ANAPC4: variants seen among roughly 807,000 people sequenced by gnomAD.
The protein encoded by ANAPC4 is anaphase promoting complex subunit 4.
Under a neutral mutation model 119.8 loss-of-function variants are expected in ANAPC4, and 63 were observed. The ratio of observed to expected loss-of-function variants is 0.53; its 90% CI spans 0.43 to 0.65. ANAPC4 has a LOEUF of 0.65. ANAPC4 is among the 30% of genes least tolerant of loss of function. The pLI, the probability that ANAPC4 is intolerant of heterozygous loss-of-function variation, is 0.00. For synonymous variants in ANAPC4, 283 were observed against 318.6 expected (o/e 0.89, Z 1.19); for missense variants, 716 against 945.1 (o/e 0.76, Z 3.18).
intron 16 of ANAPC4, among the ~76,000 whole-genome samples, chr4:25,398,870 T>C (rs55769971): frequency 3.2e-4 from 49 of 151,940 alleles, no homozygotes; most frequent in Non-Finnish European, 6.0e-4. Flanking sequence ...GCCTTGGTAC[T>C]TGAAAGAGTA....
chr4:25,403,664 G>A lies in ANAPC4; in HGVS notation c.1270+638G>A, dbSNP rs539391210. Among the ~76,000 whole-genome samples, 502 of 152,306 alleles carry A rather than the reference G, an allele frequency of 3.3e-3. 2 individuals carry two copies. The highest frequency in any genetic ancestry group is 0.011 in the African/African-American group (465 of 41,582). On this transcript the variant is annotated intron_variant, in intron 17 of 28. Transcript: ENST00000315368. Reference sequence around the variant, plus strand: ...CCACTAGCAACATGTGGCTATTTAAGTGGATTGAAATCCTATAAAACTGTA... The same window carrying A: ...CCACTAGCAACATGTGGCTATTTAAATGGATTGAAATCCTATAAAACTGTA...
intron 2 of ANAPC4, among the ~76,000 whole-genome samples, chr4:25,377,965 CAGT>C: frequency 6.6e-6 from 1 of 152,294 alleles, no homozygotes; most frequent in East Asian, 1.9e-4. Flanking sequence ...GTTTTAATAG[CAGT>C]AGGAAGAGTT....
intron 21 of ANAPC4, among the ~76,000 whole-genome samples, chr4:25,411,770 C>T (rs1049989286): frequency 4.6e-5 from 7 of 152,172 alleles, no homozygotes; most frequent in African/African-American, 1.7e-4. Context: ...GCACTTAGCA[C>T]AGAAGCAGTC....
rs1721470971 is a variant in ANAPC4 at position 25,377,490 on chromosome 4, G to A, written c.63G>A (p.Gln21=). The stretch of plus-strand genomic sequence containing the variant: ...TGGTGGGAGAGAAGCAGCTCCCGCA[G>A]GAGATTATTTTCCTGGTCTGGTCGC... ...FRVVGEKQLP[Q]EIIFLVWSPK... Residue 21 remains glutamine (Q), a synonymous_variant, in exon 2 of 29, where the codon CAG becomes CAA. Transcript: ENST00000315368. The A allele has an allele frequency of 6.2e-7, 1 of 1,613,984 alleles. No individual in the cohort carries two copies. Among genetic ancestry groups the A allele is most frequent in the Non-Finnish European group, 8.5e-7 (1 of 1,180,018 alleles).
intron 16 of ANAPC4, among the ~76,000 whole-genome samples, chr4:25,397,829 G>A (rs1044056623): frequency 2.0e-5 from 3 of 151,620 alleles, no homozygotes; most frequent in African/African-American, 4.8e-5. Context: ...GTGTTTTTGG[G>A]TGTGGGCCTT....
At chr4:25,398,884 T>C (rs1235725295) in intron 16 of ANAPC4, among the ~76,000 whole-genome samples, 2 of 151,658 alleles carry the variant, frequency 1.3e-5, no homozygotes, top group Non-Finnish European at 2.9e-5. Context: ...AAGAGTAGAA[T>C]TGATATTTAC....
In ANAPC4 at chr4:25,393,790, C is replaced by T; in HGVS notation, c.790-15C>T. The T allele has an allele frequency of 6.5e-7, 1 of 1,533,696 alleles. No individual in the cohort carries two copies. Among genetic ancestry groups the T allele is most frequent in the Non-Finnish European group, 8.8e-7 (1 of 1,130,170 alleles). ...AATATTTTTTACCATTTCAATTTTT[C>T]TTTTTTGCTAATAGTATATAAATTT... On this transcript the variant is annotated splice_polypyrimidine_tract_variant and intron_variant, in intron 10 of 28. Coordinates refer to ENST00000315368, the MANE Select transcript of ANAPC4 (RefSeq NM_013367.3).
chr4:25,418,295 G>A lies in ANAPC4; in HGVS notation c.2340G>A (p.Glu780=). 6.2e-7 allele frequency: 1 copy of A among 1,614,048 alleles called. No homozygotes were observed. The highest frequency in any genetic ancestry group is 8.5e-7 in the Non-Finnish European group (1 of 1,179,966). The change falls in exon 29 of 29, where the codon GAG becomes GAA. Residue 780 remains glutamate, a synonymous_variant. Coordinates refer to ENST00000315368, the MANE Select transcript of ANAPC4 (RefSeq NM_013367.3). ...AGGAAGAAGTGTTGTCGGAGTCAGA[G>A]GCAGAGAACCAACAAGCTGGTGCTG... ...KIKEEVLSES[E]AENQQAGAAA...
At position 25,396,857 on chromosome 4, in the gene ANAPC4, C is replaced by CTTAT; in HGVS notation, c.1173_1174insTATT (p.Ala392TyrfsTer12). The CTTAT allele has an allele frequency of 3.1e-6, 5 of 1,612,780 alleles. No homozygotes were observed. Among genetic ancestry groups the CTTAT allele is most frequent in the Non-Finnish European group, 4.2e-6 (5 of 1,179,614 alleles). On this transcript the variant is annotated frameshift_variant, in exon 16 of 29. Coordinates refer to ENST00000315368, the MANE Select transcript of ANAPC4 (RefSeq NM_013367.3). LOFTEE classifies it high-confidence loss of function. ...TATTTTTTCCCTTTAGAAGCTATAA[C>CTTAT]TGCTGTGGGTTCTTTTATACTCAAG...
chr4:25,389,635 A>T (rs1420854511), intron 7 of ANAPC4, among the ~76,000 whole-genome samples: 1 of 152,150 alleles, frequency 6.6e-6, no homozygotes, highest in Non-Finnish European at 1.5e-5. Flanking sequence ...ATAGACCTTA[A>T]TATCTATTAT....
rs1462436300 is a variant in ANAPC4, at chr4:25,394,379, T to C, written c.941+5T>C. On this transcript the variant is annotated splice_donor_5th_base_variant and intron_variant, in intron 12 of 28. Coordinates refer to ENST00000315368, the MANE Select transcript of ANAPC4 (RefSeq NM_013367.3). ...GCTATTATGGGGGAAAGCAAGGTAA[T>C]AAACTCAGATTAGGTGCTCCTGTTT... 6.4e-7 allele frequency: 1 copy of C among 1,573,190 alleles called. No individual in the cohort carries two copies. Among genetic ancestry groups the C allele is most frequent in the Admixed American group, 2.1e-5 (1 of 47,344 alleles).
intron 25 of ANAPC4, 82 bp downstream of exon 25, chr4:25,414,782 CAGATTTT>C: frequency 7.9e-7 from 1 of 1,258,030 alleles, no homozygotes; most frequent in Non-Finnish European, 1.0e-6. Context: ...TCCAGCATTT[CAGATTTT>C]AAACTACTTT....
At position 25,396,825 on chromosome 4, in the gene ANAPC4, G is replaced by A. The variant is rs200665886; in HGVS notation, c.1163-23G>A. 4.1e-5 allele frequency: 66 copies of A among 1,608,978 alleles called. No individual in the cohort carries two copies. The East Asian group carries it at 9.2e-4, about 22-fold the overall frequency. On this transcript the variant is annotated intron_variant, in intron 15 of 28. Transcript: ENST00000315368. The stretch of plus-strand genomic sequence containing the variant: ...ACAGTTTACTTATTTGACAAATGAC[G>A]TTTATTTATTTTTTCCCTTTAGAAG...
Position 25,396,833 on chromosome 4 carries a change from A to AT in ANAPC4, c.1163-9dup. ...CTTATTTGACAAATGACGTTTATTTATTTTTTCCCTTTAGAAGCTATAACT... is the reference window on the plus strand; with the variant it reads ...CTTATTTGACAAATGACGTTTATTTATTTTTTTCCCTTTAGAAGCTATAACT... On this transcript the variant is annotated splice_polypyrimidine_tract_variant and intron_variant, in intron 15 of 28. Coordinates refer to ENST00000315368, the MANE Select transcript of ANAPC4 (RefSeq NM_013367.3). The AT allele has an allele frequency of 6.2e-7, 1 of 1,609,474 alleles. No individual in the cohort carries two copies. The highest frequency in any genetic ancestry group is 8.5e-7 in the Non-Finnish European group (1 of 1,178,676).
At chr4:25,383,113 A>T in intron 3 of ANAPC4, 148 bp from the exon 4 acceptor site, 1 of 687,466 alleles carries the variant, frequency 1.5e-6, no homozygotes, top group Non-Finnish European at 2.2e-6. Context: ...TTCTTTTTTT[A>T]GTTTTTAAAA....
At position 25,394,855 on chromosome 4, in the gene ANAPC4, A is replaced by C. The variant is rs1722551510; in HGVS notation, c.1011A>C (p.Ile337=). 7 of 1,613,588 alleles carry C rather than the reference A, an allele frequency of 4.3e-6. No homozygotes were observed. Among genetic ancestry groups the C allele is most frequent in the Non-Finnish European group, 5.9e-6 (7 of 1,179,838 alleles). The change falls in exon 14 of 29, where the codon ATA becomes ATC. Residue 337 remains isoleucine, a synonymous_variant. Coordinates refer to ENST00000315368, the MANE Select transcript of ANAPC4 (RefSeq NM_013367.3). ...VKGLKKLGQS[I]ESSYSSIQKL... ...GCTTGAAAAAGCTTGGCCAGTCTAT[A>C]GAGTCATCATACTCCAGTATACAAA...
At chr4:25,397,687 C>T (rs1237767463) in intron 16 of ANAPC4, among the ~76,000 whole-genome samples, 3 of 150,814 alleles carry the variant, frequency 2.0e-5, no homozygotes, top group Admixed American at 6.6e-5. Flanking sequence ...CCATAGGATT[C>T]TGTGCTTTTT....
intron 2 of ANAPC4, among the ~76,000 whole-genome samples, chr4:25,378,320 A>G (rs1048721903): frequency 6.6e-6 from 1 of 152,212 alleles, no homozygotes; most frequent in African/African-American, 2.4e-5. Context: ...TGAGAGTTGT[A>G]TAGAGCCAAA....
chr4:25,417,983 T>A (rs1278241333), intron 28 of ANAPC4, 172 bp from the exon 29 acceptor site: 3 of 831,952 alleles, frequency 3.6e-6, no homozygotes, highest in Admixed American at 3.1e-5. Context: ...ACTGTTGTTA[T>A]GTGGAGATCT....
Sources: gnomAD v4.1 joint callset for allele counts (sites outside exome capture counted in the v4.1 genomes callset) on GRCh38, gnomAD v4.1.1 for gene constraint, MANE v1.5 for transcripts, NCBI Gene and HGNC (gene_info 2026-07-23, HGNC 2026-07-21) for gene names.